ARNT2: variants seen among roughly 807,000 people sequenced by gnomAD.
ARNT2 encodes ARNT protein 2.
A neutral mutation model predicts 91.7 loss-of-function variants in ARNT2; 36 were observed. The observed-to-expected ratio is 0.39, with a 90% confidence interval of 0.30 to 0.52. The LOEUF (loss-of-function observed/expected upper bound fraction) is 0.52. Among genes scored for constraint, ARNT2 ranks in the 20% least tolerant of loss-of-function variants. The probability of loss-of-function intolerance (pLI) is 0.72; values close to 1 mark genes in which losing one functional copy is unlikely to be tolerated. For missense variants in ARNT2, 775 were observed against 939.3 expected (o/e 0.83, Z 2.29); for synonymous variants, 365 against 347.1 (o/e 1.05, Z -0.57).
At chr15:80,504,750 A>G (rs1897249347) in intron 5 of ARNT2, among the ~76,000 whole-genome samples, 2 of 151,362 alleles carry the variant, frequency 1.3e-5, no homozygotes, top group African/African-American at 4.9e-5. Flanking sequence ...CCTGGGCTAC[A>G]GAGTGAGACC....
intron 1 of ARNT2, among the ~76,000 whole-genome samples, chr15:80,439,384 G>T (rs561778999): frequency 7.2e-5 from 11 of 152,254 alleles, no homozygotes; most frequent in African/African-American, 1.9e-4. Flanking sequence ...TTGACTGTTT[G>T]TCCTTTCAAA....
intron 9 of ARNT2, 42 bp downstream of exon 9, chr15:80,551,317 T>G (rs1322327719): frequency 1.3e-6 from 2 of 1,556,242 alleles, no homozygotes; most frequent in South Asian, 2.2e-5. Flanking sequence ...AAATGAAGGC[T>G]TATTGCCACA....
intron 1 of ARNT2, among the ~76,000 whole-genome samples, chr15:80,426,223 C>G (rs954183352): frequency 2.0e-5 from 3 of 152,126 alleles, no homozygotes; most frequent in Admixed American, 2.0e-4. Context: ...TTATTGGATG[C>G]ATGGATACAA....
intron 8 of ARNT2, among the ~76,000 whole-genome samples, chr15:80,544,467 CTTTG>C (rs1231801882): frequency 6.6e-6 from 1 of 151,844 alleles, no homozygotes; most frequent in Non-Finnish European, 1.5e-5. Context: ...TTGTTTTTTT[CTTTG>C]TTTGTGTGTG....
intron 17 of ARNT2, among the ~76,000 whole-genome samples, chr15:80,588,346 G>T (rs1221418889): frequency 6.6e-6 from 1 of 151,836 alleles, no homozygotes; most frequent in Non-Finnish European, 1.5e-5. Context: ...TGCAAGGATT[G>T]CTACAGCAGC....
chr15:80,439,786 T>G (rs1896160209), intron 1 of ARNT2, among the ~76,000 whole-genome samples: 1 of 152,190 alleles, frequency 6.6e-6, no homozygotes, highest in Admixed American at 6.5e-5. Context: ...CTCTTCCCTT[T>G]TATACAGGAA....
At chr15:80,579,811 G>A (rs1404687539) in intron 15 of ARNT2, among the ~76,000 whole-genome samples, 1 of 152,198 alleles carries the variant, frequency 6.6e-6, no homozygotes, top group Non-Finnish European at 1.5e-5. Flanking sequence ...CAGAGAGCAC[G>A]GCACACAGCA....
intron 12 of ARNT2, among the ~76,000 whole-genome samples, chr15:80,564,461 G>A (rs952427340): frequency 6.6e-6 from 1 of 152,036 alleles, no homozygotes; most frequent in Non-Finnish European, 1.5e-5. Context: ...CCCTGCTCCT[G>A]GGCCAGAAGT....
intron 15 of ARNT2, chr15:80,580,210 G>A (rs1898765283): frequency 1.5e-6 from 1 of 657,592 alleles, no homozygotes; most frequent in Non-Finnish European, 2.7e-6. Context: ...CTACTCAGCA[G>A]TGTAGAGGAA....
At chr15:80,474,967 G>C (rs757927036) in intron 4 of ARNT2, 43 bp from the exon 5 acceptor site, 3 of 1,590,910 alleles carry the variant, frequency 1.9e-6, no homozygotes, top group Non-Finnish European at 2.6e-6. Flanking sequence ...AATCATCCTG[G>C]GTCTGTCAGT....
intron 17 of ARNT2, among the ~76,000 whole-genome samples, chr15:80,583,422 G>A (rs1898835901): frequency 6.6e-6 from 1 of 152,218 alleles, no homozygotes; most frequent in African/African-American, 2.4e-5. Flanking sequence ...ATGGAGACGG[G>A]ACACAGGAAG....
chr15:80,514,059 A>G (rs1478682100), intron 7 of ARNT2, 83 bp downstream of exon 7: 4 of 1,376,056 alleles, frequency 2.9e-6, no homozygotes, highest in Non-Finnish European at 4.1e-6. Flanking sequence ...TAGATTAAAG[A>G]AGGGGCTTAG....
intron 11 of ARNT2, among the ~76,000 whole-genome samples, chr15:80,560,321 G>T (rs1258543539): frequency 6.6e-6 from 1 of 152,186 alleles, no homozygotes. Flanking sequence ...CTAGGCTTAG[G>T]ATCATAAGGC....
chr15:80,415,505 C>A (rs759052153), intron 1 of ARNT2, among the ~76,000 whole-genome samples: 13 of 151,956 alleles, frequency 8.6e-5, no homozygotes, highest in Non-Finnish European at 1.8e-4. Flanking sequence ...TGAGTGGGGG[C>A]GTGATGTGAT....
intron 1 of ARNT2, chr15:80,441,354 A>T (rs1227915677): frequency 3.0e-6 from 3 of 985,296 alleles, no homozygotes; most frequent in Admixed American, 6.1e-5. Flanking sequence ...AGGAAGAAAG[A>T]TCTTTGTTTA....
rs1302877545 is a variant in ARNT2, at chr15:80,592,042, G to A, written c.2055+338G>A. Among the ~76,000 whole-genome samples, 10 of 152,290 alleles carry A rather than the reference G, an allele frequency of 6.6e-5. No individual in the cohort carries two copies. In the East Asian group the frequency reaches 1.9e-3, roughly 29 times the overall value. ...CTCCTAAGAGCTGCAGGCACCCCCA[G>A]GCTTGGCTGTCTGTCACTGGCTGAC... On this transcript the variant is annotated intron_variant, in intron 18 of 18. Transcript: ENST00000303329.
At position 80,575,056 on chromosome 15, in the gene ARNT2, T is replaced by C. The variant is rs759721140; in HGVS notation, c.1459T>C (p.Phe487Leu). ...GKSVEKADAI[F>L]SQERDPRFAE... is the part of the protein sequence containing the mutation. ...GTCCGTGGAAAAGGCGGATGCAATC[T>C]TCTCCCAGGAAAGAGATCCTCGGTT... The change falls in exon 14 of 19, where the codon TTC (phenylalanine) becomes CTC (leucine). Residue 487 changes from phenylalanine to leucine, a missense_variant. By Grantham distance (22) the Phe-to-Leu change is conservative (BLOSUM62 0). Transcript: ENST00000303329. The C allele has an allele frequency of 6.2e-7, 1 of 1,614,216 alleles. No individual in the cohort carries two copies. Among genetic ancestry groups the C allele is most frequent in the South Asian group, 1.1e-5 (1 of 91,084 alleles).
intron 3 of ARNT2, among the ~76,000 whole-genome samples, chr15:80,463,846 A>G (rs1896603428): frequency 6.6e-6 from 1 of 152,142 alleles, no homozygotes; most frequent in Non-Finnish European, 1.5e-5. Flanking sequence ...CTGGGATTAT[A>G]GGTGTGAGCC....
intron 5 of ARNT2, among the ~76,000 whole-genome samples, chr15:80,494,276 T>A (rs1417961020): frequency 6.6e-6 from 1 of 152,168 alleles, no homozygotes; most frequent in Non-Finnish European, 1.5e-5. Context: ...GAATGCAGAT[T>A]TTTCCTGCTA....
Sources: allele counts gnomAD v4.1 joint callset (sites outside exome capture counted in the v4.1 genomes callset), GRCh38; gene constraint gnomAD v4.1.1; transcripts MANE v1.5; gene names NCBI Gene and HGNC (gene_info 2026-07-23, HGNC 2026-07-21).